The following ZNF789 variants were observed in gnomAD, a reference collection of about 807,000 sequenced individuals.
The protein encoded by ZNF789 is zinc finger protein 789.
A neutral mutation model predicts 15.6 loss-of-function variants in ZNF789; 11 were observed. The ratio of observed to expected loss-of-function variants is 0.70; its 90% CI spans 0.44 to 1.16. The LOEUF is 1.16. Ranked by LOEUF, ZNF789 falls within the 50% of genes most tolerant of loss-of-function variation. The pLI, the probability that ZNF789 is intolerant of heterozygous loss-of-function variation, is 0.00. For missense variants in ZNF789, 461 were observed against 512.6 expected, an observed-to-expected ratio of 0.90 and a Z score of 0.97; for synonymous variants, 159 against 176.0, an observed-to-expected ratio of 0.90 and a Z score of 0.76.
chr7:99,482,444 G>C (rs1799690206), intron 3 of ZNF789: 2 of 561,088 alleles, frequency 3.6e-6, no homozygotes, highest in East Asian at 3.0e-5. Flanking sequence ...ACTTTTATCA[G>C]GTTAGTGCTC....
chr7:99,485,351 C>CAGG, intron 4 of ZNF789: 1 of 793,466 alleles, frequency 1.3e-6, no homozygotes, highest in Non-Finnish European at 2.1e-6. Flanking sequence ...CCACTAGATG[C>CAGG]CAGTTGAACC....
intron 2 of ZNF789, chr7:99,479,350 T>C (rs1799497068): frequency 8.2e-6 from 2 of 244,888 alleles, no homozygotes; most frequent in Non-Finnish European, 1.5e-5. Flanking sequence ...CCTCAGATTG[T>C]TGATTTGCTG....
chr7:99,478,347 C>G (rs758507178), intron 2 of ZNF789: 3 of 1,289,520 alleles, frequency 2.3e-6, no homozygotes, highest in Non-Finnish European at 3.0e-6. Flanking sequence ...GAGTGACACT[C>G]TGGATAATGG....
intron 4 of ZNF789, among the ~76,000 whole-genome samples, chr7:99,485,819 A>G (rs970452965): frequency 8.6e-5 from 13 of 151,858 alleles, no homozygotes; most frequent in African/African-American, 2.4e-4. Context: ...GCTTGTCTCA[A>G]ACAAAAAGCA....
chr7:99,479,884 T>A, intron 3 of ZNF789, 97 bp downstream of exon 3: 1 of 1,462,340 alleles, frequency 6.8e-7, no homozygotes. Flanking sequence ...GAAAAAGCGG[T>A]GAAAACCGAA....
chr7:99,487,021 T>C lies in ZNF789; in HGVS notation c.811T>C (p.Tyr271His). 2 of 1,614,098 alleles carry C rather than the reference T, an allele frequency of 1.2e-6. No homozygotes were observed. Among genetic ancestry groups the C allele is most frequent in the African/African-American group, 1.3e-5 (1 of 75,052 alleles). Residue 271 changes from tyrosine (Y) to histidine (H), a missense_variant, in exon 5 of 5, where the codon TAT becomes CAT. By Grantham distance (83) the Tyr-to-His change is moderately conservative. Coordinates refer to ENST00000331410, the MANE Select transcript of ZNF789 (RefSeq NM_213603.3). ...TGGAAAGTGTTTTCGGCAGCTCGCG[T>C]ATCTTGTTGAACATAAGAGGATTCA... ...DCGKCFRQLA[Y>H]LVEHKRIHTK...
chr7:99,485,569 C>T (rs1176764480), intron 4 of ZNF789, among the ~76,000 whole-genome samples: 1 of 152,202 alleles, frequency 6.6e-6, no homozygotes, highest in Non-Finnish European at 1.5e-5. Context: ...CCGTGGCTCA[C>T]ACCTGTAATC....
In ZNF789 at chr7:99,479,714, C is replaced by T. The variant is rs146179329; in HGVS notation, c.78C>T (p.Gly26=). 6 of 1,613,810 alleles carry T rather than the reference C, an allele frequency of 3.7e-6. No homozygotes were observed. Among genetic ancestry groups the T allele is most frequent in the Middle Eastern group, 1.7e-4 (1 of 6,060 alleles). Residue 26 remains glycine (G), a synonymous_variant, in exon 3 of 5, where the codon GGC becomes GGT. Transcript: ENST00000331410. ...TGTACTTCACCAGAGAGGAGTGGGG[C>T]CACCTCAACTGGGGTCAGAAGGACC... is the stretch of plus-strand genomic sequence containing the variant. ...VAMYFTREEW[G]HLNWGQKDLY...
In ZNF789 at chr7:99,484,098, C is replaced by T. The variant is rs1372854238; in HGVS notation, c.220C>T (p.Leu74=). Residue 74 remains leucine, a synonymous_variant, in exon 4 of 5, where the codon CTA becomes TTA. Transcript: ENST00000331410. ...CTGGGACGAGCAGTGGATCCTGGAT[C>T]TACCGAGAACTGGGAATAGGAAGGC... is the stretch of plus-strand genomic sequence containing the variant. ...ENWDEQWILD[L]PRTGNRKASG... 6.2e-7 allele frequency: 1 copy of T among 1,613,940 alleles called. No individual in the cohort carries two copies. The highest frequency in any genetic ancestry group is 2.2e-5 in the East Asian group (1 of 44,892).
rs548405757 is a variant in ZNF789 at position 99,486,708 on chromosome 7, G to C, written c.498G>C (p.Ala166=). 3.1e-6 allele frequency: 5 copies of C among 1,614,170 alleles called. No homozygotes were observed. The highest frequency in any genetic ancestry group is 3.4e-6 in the Non-Finnish European group (4 of 1,180,046). ...QNLNLIQDQN[A]QTRWKQGRYD... is the part of the protein sequence containing the mutation. Reference sequence around the variant, plus strand: ...TTAACCTTATTCAAGATCAGAATGCGCAAACAAGGTGGAAGCAGGGCAGAT... The same window carrying C: ...TTAACCTTATTCAAGATCAGAATGCCCAAACAAGGTGGAAGCAGGGCAGAT... Residue 166 remains alanine (A), a synonymous_variant, in exon 5 of 5, where the codon GCG becomes GCC. Coordinates refer to ENST00000331410, the MANE Select transcript of ZNF789 (RefSeq NM_213603.3).
At chr7:99,485,242 C>T (rs1423872924) in intron 4 of ZNF789, 1 of 1,534,626 alleles carries the variant, frequency 6.5e-7, no homozygotes, top group Non-Finnish European at 8.7e-7. Context: ...GTTTCTCCTC[C>T]ATGGCACTAC....
At chr7:99,482,226 T>A in intron 3 of ZNF789, 1 of 779,158 alleles carries the variant, frequency 1.3e-6, no homozygotes, top group Non-Finnish European at 2.4e-6. Flanking sequence ...TCATCTTGGT[T>A]GCAATTGTAC....
intron 4 of ZNF789, among the ~76,000 whole-genome samples, chr7:99,484,488 CGTG>C (rs2151069441): frequency 6.6e-6 from 1 of 152,278 alleles, no homozygotes; most frequent in Non-Finnish European, 1.5e-5. Context: ...CGCGTAGTGG[CGTG>C]TGCCTGTAAT....
intron 4 of ZNF789, chr7:99,485,415 C>T: frequency 3.0e-6 from 2 of 660,444 alleles, no homozygotes; most frequent in Non-Finnish European, 5.5e-6. Flanking sequence ...ACCCTGTTCA[C>T]CCCTAGTTGA....
chr7:99,483,803 G>A (rs747252158), intron 3 of ZNF789: 3 of 780,942 alleles, frequency 3.8e-6, no homozygotes, highest in Non-Finnish European at 7.2e-6. Context: ...CATCTTGGTT[G>A]CAATTGTACT....
At chr7:99,476,340 A>G in intron 1 of ZNF789, 63 bp from the exon 2 acceptor site, 1 of 1,213,280 alleles carries the variant, frequency 8.2e-7, no homozygotes, top group Non-Finnish European at 1.1e-6. Context: ...TCCGGGTCCC[A>G]GATCTGCCAA....
chr7:99,486,976 C>T lies in ZNF789; in HGVS notation c.766C>T (p.Pro256Ser), dbSNP rs1217066121. 2 of 1,614,012 alleles carry T rather than the reference C, an allele frequency of 1.2e-6. No individual in the cohort carries two copies. The highest frequency in any genetic ancestry group is 1.7e-6 in the Non-Finnish European group (2 of 1,180,044). ...TAAACAGTGTCACCTGCAAAACAAG[C>T]CATACAGATGTCATGACTGTGGAAA... is the stretch of plus-strand genomic sequence containing the variant. ...VHKQCHLQNK[P>S]YRCHDCGKCF... The change falls in exon 5 of 5, where the codon CCA becomes TCA. Residue 256 changes from proline to serine, a missense_variant. By Grantham distance (74) the Pro-to-Ser change is moderately conservative. Transcript: ENST00000331410.
At chr7:99,477,408 T>C (rs539211407) in intron 2 of ZNF789, among the ~76,000 whole-genome samples, 19 of 152,108 alleles carry the variant, frequency 1.2e-4, no homozygotes, top group African/African-American at 4.6e-4. Flanking sequence ...GGCATGATCA[T>C]GGCTCATGGC....
chr7:99,484,197 T>C (rs1042437793), intron 4 of ZNF789, 54 bp downstream of exon 4: 2 of 1,424,910 alleles, frequency 1.4e-6, no homozygotes, highest in Non-Finnish European at 2.0e-6. Flanking sequence ...AGGGAAGGCA[T>C]GTTAGTGAAG....
Sources: allele counts gnomAD v4.1 joint callset (sites outside exome capture counted in the v4.1 genomes callset), GRCh38; gene constraint gnomAD v4.1.1; transcripts MANE v1.5; gene names NCBI Gene and HGNC (gene_info 2026-07-23, HGNC 2026-07-21).